Variants in KLC2 observed in about 807,000 individuals in gnomAD.
KLC2 encodes the protein kinesin light chain 2.
In KLC2, 35 loss-of-function variants were observed where a neutral mutation model predicts 75.1. The ratio of observed to expected loss-of-function variants is 0.47; its 90% confidence interval spans 0.36 to 0.62. The LOEUF (loss-of-function observed/expected upper bound fraction) is 0.62, where lower values mean the gene tolerates loss of function less well. KLC2 is among the 20% of genes least tolerant of loss of function. The pLI is 0.00. For synonymous variants in KLC2, 314 were observed against 336.7 expected, an observed-to-expected ratio of 0.93 and a Z score of 0.74; for missense variants, 611 against 833.2, an observed-to-expected ratio of 0.73 and a Z score of 3.28.
chr11:66,257,088 TA>T (rs1856068119), upstream of KLC2, among the ~76,000 whole-genome samples: 1 of 152,194 alleles, frequency 6.6e-6, no homozygotes, highest in South Asian at 2.1e-4. Flanking sequence ...AAGACAGAGC[TA>T]GGGCTGTGGA....
At chr11:66,258,525 G>A in intron 1 of KLC2, 59 bp from the exon 2 acceptor site, 2 of 1,176,166 alleles carry the variant, frequency 1.7e-6, no homozygotes, top group African/African-American at 1.5e-5. Flanking sequence ...CTAATCCGGG[G>A]CGGACGGCGG....
At chr11:66,254,707 G>A (rs2134778084), upstream of KLC2, among the ~76,000 whole-genome samples, 1 of 150,772 alleles carries the variant, frequency 6.6e-6, no homozygotes, top group South Asian at 2.1e-4. Context: ...AGGCCAAGGT[G>A]GGCGGATCAT....
At chr11:66,246,201 G>A in the KLC2 span, 1 of 152,704 alleles carries the variant, frequency 6.5e-6, no homozygotes, top group East Asian at 1.9e-4. Context: ...TCTAGGGTGT[G>A]AGTGTGGCTG....
Position 66,265,636 on chromosome 11 carries a change from G to A in KLC2, c.1335-19G>A, listed in dbSNP as rs1413136824. On this transcript the variant is annotated intron_variant, in intron 11 of 15. Coordinates refer to ENST00000394067, the MANE Select transcript of KLC2 (RefSeq NM_001318734.2). ...CTGGGTCTGGGGGAACATGGAGTTT[G>A]AGACTGTCCCATCCACAGCCCCACA... 1.3e-6 allele frequency: 2 copies of A among 1,593,912 alleles called. No individual in the cohort carries two copies. Among genetic ancestry groups the A allele is most frequent in the Non-Finnish European group, 1.7e-6 (2 of 1,165,446 alleles).
rs962735045 is a variant in KLC2, at chr11:66,267,038, T to C, written c.*82T>C. ...GCCCTGCGCATGGGCCTGCTGCTTG[T>C]CCCGCCTGTCTCTCCCACAGCCCCT... On this transcript the variant is annotated 3_prime_UTR_variant, in exon 16 of 16. Transcript: ENST00000394067. 5.2e-6 allele frequency: 8 copies of C among 1,544,044 alleles called. No homozygotes were observed. Among genetic ancestry groups the C allele is most frequent in the Middle Eastern group, 1.9e-4 (1 of 5,280 alleles).
At chr11:66,256,082 A>G (rs1590851229), upstream of KLC2, among the ~76,000 whole-genome samples, 2 of 151,824 alleles carry the variant, frequency 1.3e-5, no homozygotes, top group South Asian at 4.2e-4. Context: ...TGTCTTTTGA[A>G]TGTTGCACAA....
At chr11:66,254,965 G>A (rs1855992165), upstream of KLC2, among the ~76,000 whole-genome samples, 1 of 151,522 alleles carries the variant, frequency 6.6e-6, no homozygotes, top group South Asian at 2.1e-4. Flanking sequence ...GATTCACCCT[G>A]GCACCACCAA....
chr11:66,263,825 A>G (rs772625312), intron 6 of KLC2, 26 bp from the exon 7 acceptor site: 7 of 1,609,912 alleles, frequency 4.3e-6, no homozygotes, highest in Non-Finnish European at 6.0e-6. Context: ...GCCTGAGTCA[A>G]GAAGCTTCCG....
At chr11:66,247,874 A>G in the KLC2 span, among the ~76,000 whole-genome samples, 4 of 152,318 alleles carry the variant, frequency 2.6e-5, no homozygotes, top group East Asian at 5.8e-4. Context: ...CTGATGCCTT[A>G]GCCCAAAAGA....
At chr11:66,266,383 C>A in intron 14 of KLC2, 50 bp from the exon 15 acceptor site, 3 of 1,388,520 alleles carry the variant, frequency 2.2e-6, no homozygotes, top group Non-Finnish European at 3.0e-6. Context: ...CTGCCCCCAT[C>A]TCCCGTGAGT....
At chr11:66,252,954 A>G (rs1281650040), upstream of KLC2, among the ~76,000 whole-genome samples, 1 of 151,006 alleles carries the variant, frequency 6.6e-6, no homozygotes, top group African/African-American at 2.4e-5. Context: ...CTGGGGAGAC[A>G]TGGTCTTTAA....
rs773614153 is a variant in KLC2, at chr11:66,263,759, T to G, written c.840+12T>G. ...AGGACCACCCAGCCGTGAGTGAGGG[T>G]TGGGTGGGAGGTGGGGGCTGTGCCC... On this transcript the variant is annotated intron_variant, in intron 6 of 15. Coordinates refer to ENST00000394067, the MANE Select transcript of KLC2 (RefSeq NM_001318734.2). The G allele has an allele frequency of 2.5e-6, 4 of 1,609,600 alleles. No individual in the cohort carries two copies. The highest frequency in any genetic ancestry group is 3.3e-5 in the Admixed American group (2 of 60,016).
Position 66,261,770 on chromosome 11 carries a change from G to A in KLC2, c.257G>A (p.Gly86Glu). Residue 86 changes from glycine (G) to glutamate (E), a missense_variant, in exon 3 of 16, where the codon GGG (glycine) becomes GAG (glutamate). Coordinates refer to ENST00000394067, the MANE Select transcript of KLC2 (RefSeq NM_001318734.2). ...ATCTTGGCATTGTCGAGCCACCTGG[G>A]GGCTGTAGAATCAGAGAAGCAGAAG... ...QVILALSSHLGAVESEKQKLR... is the reference protein window; with the variant it reads ...QVILALSSHLEAVESEKQKLR... The A allele has an allele frequency of 6.2e-7, 1 of 1,612,288 alleles. No homozygotes were observed. The highest frequency in any genetic ancestry group is 8.5e-7 in the Non-Finnish European group (1 of 1,179,850).
rs1233386164 is a variant in KLC2, at chr11:66,261,818, TGG to T, written c.306_307del (p.Val103AlafsTer8). ...AAGCTGCGGGCGCAGGTGCGGCGTC[TGG>T]TGCAGGAGAACCAGTGGCTGCGTGA... On this transcript the variant is annotated frameshift_variant, in exon 3 of 16. Transcript: ENST00000394067. LOFTEE classifies it high-confidence loss of function. 6.2e-7 allele frequency: 1 copy of T among 1,613,422 alleles called. No individual in the cohort carries two copies. The highest frequency in any genetic ancestry group is 1.7e-5 in the Admixed American group (1 of 60,004).
the KLC2 span, among the ~76,000 whole-genome samples, chr11:66,250,786 A>G: frequency 1.3e-5 from 2 of 152,254 alleles, no homozygotes; most frequent in African/African-American, 4.8e-5. Flanking sequence ...ATAAGGGAGA[A>G]TGTGGCTGAT....
chr11:66,254,643 T>C (rs1391953933), upstream of KLC2, among the ~76,000 whole-genome samples: 1 of 112,534 alleles, frequency 8.9e-6, no homozygotes, highest in Non-Finnish European at 1.8e-5. Flanking sequence ...GCACCCTGGG[T>C]GACAGTGGGA....
intron 14 of KLC2, 85 bp from the exon 15 acceptor site, chr11:66,266,348 T>TACCAA: frequency 6.7e-7 from 1 of 1,487,622 alleles, no homozygotes; most frequent in Non-Finnish European, 9.2e-7. Flanking sequence ...ACCAGTCTGT[T>TACCAA]CCCTCCCCAG....
rs1345375468 is a variant in KLC2 at position 66,266,105 on chromosome 11, T to C, written c.1615T>C (p.Ser539Pro). 2 of 1,614,040 alleles carry C rather than the reference T, an allele frequency of 1.2e-6. No individual in the cohort carries two copies. Among genetic ancestry groups the C allele is most frequent in the Admixed American group, 1.7e-5 (1 of 60,022 alleles). Residue 539 changes from serine to proline, a missense_variant, in exon 14 of 16, where the codon TCC (serine) becomes CCC (proline). Coordinates refer to ENST00000394067, the MANE Select transcript of KLC2 (RefSeq NM_001318734.2). ...TAEWNGDGSG[S>P]LRRSGSFGKL... ...TGTCCACCTGCAGGATGGCAGTGGCTCCTTGAGGCGCAGCGGTTCCTTTGG... is the reference window on the plus strand; with the variant it reads ...TGTCCACCTGCAGGATGGCAGTGGCCCCTTGAGGCGCAGCGGTTCCTTTGG...
chr11:66,254,086 G>A (rs929210511), upstream of KLC2, among the ~76,000 whole-genome samples: 1 of 152,182 alleles, frequency 6.6e-6, no homozygotes, highest in Non-Finnish European at 1.5e-5. Context: ...GCCAGGTGTG[G>A]TGGCAGGCGC....
Sources: gnomAD v4.1 joint callset for allele counts (sites outside exome capture counted in the v4.1 genomes callset) on GRCh38, gnomAD v4.1.1 for gene constraint, MANE v1.5 for transcripts, NCBI Gene and HGNC (gene_info 2026-07-23, HGNC 2026-07-21) for gene names.